The following PCDH15 variants were observed in gnomAD, a reference collection of about 807,000 sequenced individuals.
PCDH15 encodes the protein protocadherin-15.
Under a neutral mutation model 178.5 loss-of-function variants are expected in PCDH15, and 129 were observed. The ratio of observed to expected loss-of-function variants is 0.72; its 90% CI spans 0.63 to 0.84. The LOEUF (loss-of-function observed/expected upper bound fraction) is 0.84, where lower values mean the gene tolerates loss of function less well. Among genes scored for constraint, PCDH15 ranks in the 40% least tolerant of loss-of-function variants. The pLI is 0.00. For missense variants in PCDH15, 2,230 were observed against 2,099.9 expected, an observed-to-expected ratio of 1.06 and a Z score of -1.21; for synonymous variants, 800 against 732.0, an observed-to-expected ratio of 1.09 and a Z score of -1.50.
At chr10:54,515,296 G>A (rs937729282) in intron 3 of PCDH15, among the ~76,000 whole-genome samples, 25 of 152,190 alleles carry the variant, frequency 1.6e-4, no homozygotes, top group African/African-American at 3.6e-4. Context: ...CTTTTCCAAC[G>A]GGCTTAAAAA....
intron 2 of PCDH15, among the ~76,000 whole-genome samples, chr10:55,130,543 A>T (rs1838011746): frequency 1.3e-5 from 2 of 152,164 alleles, no homozygotes; most frequent in African/African-American, 4.8e-5. Context: ...TTTTAGTAAC[A>T]TAATGCTGGG....
chr10:55,094,345 A>C (rs893988561), intron 2 of PCDH15, among the ~76,000 whole-genome samples: 1 of 151,976 alleles, frequency 6.6e-6, no homozygotes, highest in African/African-American at 2.4e-5. Context: ...GAACACTGAG[A>C]ACACTTGGAC....
rs570163027 is a variant in PCDH15 at position 54,355,862 on chromosome 10, T to G, written c.475-9378A>C. ...TAATCAAATCTCTATTGCTAGAACATGCCTAAACCATTGAAAAGCATTCAA... is the reference window on the plus strand; with the variant it reads ...TAATCAAATCTCTATTGCTAGAACAGGCCTAAACCATTGAAAAGCATTCAA... On this transcript the variant is annotated intron_variant, in intron 5 of 37. Coordinates refer to ENST00000644397, the MANE Select transcript of PCDH15 (RefSeq NM_001384140.1). Among the ~76,000 whole-genome samples the G allele has an allele frequency of 3.3e-5, 5 of 152,182 alleles. No homozygotes were observed. In the South Asian group the frequency reaches 1.0e-3, roughly 32 times the overall value.
chr10:54,113,909 G>T (rs978453799), intron 15 of PCDH15, among the ~76,000 whole-genome samples: 1 of 152,098 alleles, frequency 6.6e-6, no homozygotes, highest in African/African-American at 2.4e-5. Context: ...GAGGAGAAAG[G>T]CATGTCTTAC....
chr10:54,332,242 AT>A (rs1351749344), intron 6 of PCDH15, among the ~76,000 whole-genome samples: 12 of 109,560 alleles, frequency 1.1e-4, no homozygotes, highest in Admixed American at 2.4e-4. Context: ...TATATATAAT[AT>A]ATATATAATC....
chr10:55,173,601 T>C (rs985973991), intron 1 of PCDH15, among the ~76,000 whole-genome samples: 1 of 152,066 alleles, frequency 6.6e-6, no homozygotes, highest in Admixed American at 6.6e-5. Flanking sequence ...AATTTATCCG[T>C]TTAAAAAAAC....
intron 2 of PCDH15, among the ~76,000 whole-genome samples, chr10:54,920,230 G>A (rs1226612106): frequency 6.6e-6 from 1 of 152,106 alleles, no homozygotes; most frequent in African/African-American, 2.4e-5. Flanking sequence ...CAGCACTTTG[G>A]GAGGCCGAGG....
chr10:55,604,809 G>A (rs1843174971), intron 2 of PCDH15, among the ~76,000 whole-genome samples: 1 of 129,366 alleles, frequency 7.7e-6, no homozygotes, highest in African/African-American at 3.0e-5. Flanking sequence ...ATCCAAAATT[G>A]ACACCCTAAC....
chr10:55,155,046 C>G (rs1838846558), intron 2 of PCDH15, among the ~76,000 whole-genome samples: 1 of 151,954 alleles, frequency 6.6e-6, no homozygotes, highest in African/African-American at 2.4e-5. Context: ...TCTGGCAGTA[C>G]AGAGAGAAGA....
intron 2 of PCDH15, among the ~76,000 whole-genome samples, chr10:55,425,674 A>C (rs112043042): frequency 4.0e-5 from 6 of 149,522 alleles, no homozygotes; most frequent in East Asian, 1.9e-4. Flanking sequence ...ACACACACAA[A>C]AAAAAACAGT....
chr10:54,007,654 T>C (rs1404122359), intron 20 of PCDH15, among the ~76,000 whole-genome samples: 4 of 152,194 alleles, frequency 2.6e-5, no homozygotes, highest in African/African-American at 9.6e-5. Context: ...TTTTTATTTA[T>C]ACTGTGGAAA....
intron 37 of PCDH15, 39 bp from the exon 38 acceptor site, chr10:53,807,169 T>C (rs369051553): frequency 9.6e-5 from 143 of 1,482,486 alleles, no homozygotes; most frequent in Non-Finnish European, 1.3e-4. Context: ...CACTATCAAA[T>C]AAATTAAAAA....
intron 2 of PCDH15, among the ~76,000 whole-genome samples, chr10:55,576,505 T>C (rs973333818): frequency 3.9e-5 from 6 of 152,186 alleles, no homozygotes; most frequent in Non-Finnish European, 7.4e-5. Context: ...GGATAATGTG[T>C]GTTGCATGTT....
intron 8 of PCDH15, among the ~76,000 whole-genome samples, chr10:54,300,493 G>A (rs2060083606): frequency 6.6e-6 from 1 of 152,182 alleles, no homozygotes; most frequent in African/African-American, 2.4e-5. Flanking sequence ...CTGGCCGAAA[G>A]AGTTCCCCTC....
At chr10:54,693,291 C>T (rs534616434) in intron 1 of PCDH15, among the ~76,000 whole-genome samples, 2 of 151,682 alleles carry the variant, frequency 1.3e-5, no homozygotes, top group East Asian at 3.9e-4. Context: ...TACACTGTAA[C>T]TTATATGAGT....
chr10:54,738,268 G>T (rs1293617952), intron 1 of PCDH15, among the ~76,000 whole-genome samples: 1 of 152,004 alleles, frequency 6.6e-6, no homozygotes, highest in Non-Finnish European at 1.5e-5. Context: ...GGATCAAATT[G>T]GCTGCTATAT....
chr10:54,178,918 A>G (rs1022153405), intron 13 of PCDH15, among the ~76,000 whole-genome samples: 2 of 152,102 alleles, frequency 1.3e-5, no homozygotes, highest in Admixed American at 1.3e-4. Context: ...TCAGGAAACA[A>G]CAGGTGCTGG....
At chr10:55,463,088 G>A (rs1261097336) in intron 2 of PCDH15, among the ~76,000 whole-genome samples, 16 of 149,794 alleles carry the variant, frequency 1.1e-4, no homozygotes, top group African/African-American at 3.2e-4. Context: ...GGAAAGGTCA[G>A]GATCCAAGAG....
intron 8 of PCDH15, among the ~76,000 whole-genome samples, chr10:54,270,134 G>A (rs768717743): frequency 4.6e-5 from 7 of 152,024 alleles, no homozygotes; most frequent in South Asian, 2.1e-4. Flanking sequence ...ATATTCCAAC[G>A]CTATAGATAG....
Sources: allele counts gnomAD v4.1 joint callset (sites outside exome capture counted in the v4.1 genomes callset), GRCh38; gene constraint gnomAD v4.1.1; transcripts MANE v1.5; gene names NCBI Gene and HGNC (gene_info 2026-07-23, HGNC 2026-07-21).